RAB20: variants seen among roughly 807,000 people sequenced by gnomAD.
RAB20 encodes RAB20, member RAS oncogene family, also known as ras-related protein Rab-20.
In RAB20, 2 loss-of-function variants were observed where a neutral mutation model predicts 3.7. That is an observed-to-expected ratio of 0.54 (90% CI 0.22 to 1.69). The LOEUF (loss-of-function observed/expected upper bound fraction) is 1.69, where lower values mean the gene tolerates loss of function less well. RAB20 is among the 40% of genes most tolerant of loss of function. RAB20 has a pLI of 0.19. For synonymous variants in RAB20, 126 were observed against 130.8 expected, an observed-to-expected ratio of 0.96 and a Z score of 0.25; for missense variants, 276 against 311.9, an observed-to-expected ratio of 0.88 and a Z score of 0.87.
At chr13:110,526,994 T>A (rs764882762) in intron 1 of RAB20, among the ~76,000 whole-genome samples, 9 of 152,038 alleles carry the variant, frequency 5.9e-5, no homozygotes, top group Admixed American at 6.5e-5. Flanking sequence ...TTGACACAAA[T>A]GAAGTTAAGG....
chr13:110,552,689 T>C (rs1277687433), intron 1 of RAB20, among the ~76,000 whole-genome samples: 1 of 123,274 alleles, frequency 8.1e-6, no homozygotes, highest in Non-Finnish European at 1.6e-5. Flanking sequence ...TGAGACTCCA[T>C]CTCAAATAAA....
intron 1 of RAB20, among the ~76,000 whole-genome samples, chr13:110,533,661 C>T (rs1194976408): frequency 6.6e-6 from 1 of 152,122 alleles, no homozygotes; most frequent in Admixed American, 6.5e-5. Context: ...CACTCTAGCC[C>T]GGGCAGCAGA....
chr13:110,549,407 A>T (rs1442558100), intron 1 of RAB20, among the ~76,000 whole-genome samples: 1 of 152,224 alleles, frequency 6.6e-6, no homozygotes, highest in Non-Finnish European at 1.5e-5. Flanking sequence ...GAATCCAGGG[A>T]ACTCACCACT....
At chr13:110,557,146 G>A (rs1264297381) in intron 1 of RAB20, among the ~76,000 whole-genome samples, 1 of 152,158 alleles carries the variant, frequency 6.6e-6, no homozygotes, top group Non-Finnish European at 1.5e-5. Context: ...GGAAGCCTGG[G>A]GTCTGAATGA....
chr13:110,524,100 C>T lies in RAB20; in HGVS notation c.270G>A (p.Glu90=), dbSNP rs1173975776. 3 of 1,613,214 alleles carry T rather than the reference C, an allele frequency of 1.9e-6. No individual in the cohort carries two copies. Among genetic ancestry groups the T allele is most frequent in the East Asian group, 2.2e-5 (1 of 44,890 alleles). Residue 90 remains glutamate, a synonymous_variant, in exon 2 of 2, where the codon GAG becomes GAA. Transcript: ENST00000267328. ...TCAGGCCCAGGAACCGGTCCTCCAGCTCCACCAGGCTCTGCCGGTGATTCA... is the reference window on the plus strand; with the variant it reads ...TCAGGCCCAGGAACCGGTCCTCCAGTTCCACCAGGCTCTGCCGGTGATTCA... ...YDVNHRQSLV[E]LEDRFLGLTD...
In RAB20 at chr13:110,561,565, T is replaced by G; in HGVS notation, c.-46A>C. The G allele has an allele frequency of 6.6e-7, 1 of 1,503,912 alleles. No individual in the cohort carries two copies. The highest frequency in any genetic ancestry group is 8.9e-7 in the Non-Finnish European group (1 of 1,129,354). 93.2% of individuals were successfully genotyped at this position (1,503,912 alleles called of 1,614,324 possible). A position where few individuals can be genotyped will look rare whatever the true frequency, so the allele number is the denominator to read the frequency against. On this transcript the variant is annotated 5_prime_UTR_variant, in exon 1 of 2. Transcript: ENST00000267328. ...CGCCCCCGCGCCCTCTCCCCGAGGCTGGCCGGCTCGTGCGCCCTGGGCGCA... is the reference window on the plus strand; with the variant it reads ...CGCCCCCGCGCCCTCTCCCCGAGGCGGGCCGGCTCGTGCGCCCTGGGCGCA...
chr13:110,525,440 G>A (rs925973214), intron 1 of RAB20, among the ~76,000 whole-genome samples: 9 of 152,194 alleles, frequency 5.9e-5, no homozygotes, highest in African/African-American at 2.2e-4. Flanking sequence ...TCTGCCCCAG[G>A]ACCACCTTTC....
chr13:110,554,161 A>C (rs1594139448), intron 1 of RAB20, among the ~76,000 whole-genome samples: 1 of 152,310 alleles, frequency 6.6e-6, no homozygotes. Flanking sequence ...CCCTGGCTCC[A>C]CGTGTTTTGC....
intron 1 of RAB20, among the ~76,000 whole-genome samples, chr13:110,539,362 T>C (rs891437138): frequency 6.6e-6 from 1 of 152,166 alleles, no homozygotes. Flanking sequence ...TGGCAAATAC[T>C]GACCGACAGC....
intron 1 of RAB20, among the ~76,000 whole-genome samples, chr13:110,543,084 T>C (rs749478171): frequency 1.3e-5 from 2 of 152,226 alleles, no homozygotes; most frequent in African/African-American, 2.4e-5. Flanking sequence ...GCCATTTGTA[T>C]GTCTTCTTTT....
At chr13:110,549,461 A>G (rs1884910954) in intron 1 of RAB20, among the ~76,000 whole-genome samples, 1 of 145,074 alleles carries the variant, frequency 6.9e-6, no homozygotes, top group African/African-American at 2.9e-5. Context: ...TCTTACAGCC[A>G]TTGTTACAAT....
In RAB20 at chr13:110,523,820, C is replaced by A. The variant is rs1217105919; in HGVS notation, c.550G>T (p.Ala184Ser). ...AGGTCCACATTGTAGCCGGTCTTGG[C>A]GCTGGTCTCAAAGCACATTTGCTCA... ...AAEQMCFETS[A>S]KTGYNVDLLF... Residue 184 changes from alanine (A) to serine (S), a missense_variant, in exon 2 of 2, where the codon GCC (alanine) becomes TCC (serine). By Grantham distance (99) the Ala-to-Ser change is moderately conservative. Coordinates refer to ENST00000267328, the MANE Select transcript of RAB20 (RefSeq NM_017817.3). 1.9e-6 allele frequency: 3 copies of A among 1,614,078 alleles called. No individual in the cohort carries two copies. In the African/African-American group the frequency reaches 4.0e-5, roughly 22 times the overall value.
intron 1 of RAB20, among the ~76,000 whole-genome samples, chr13:110,552,490 G>A (rs57878500): frequency 0.45 from 68,812 of 151,592 alleles, 17,592 homozygotes; most frequent in South Asian, 0.59. Context: ...TCAGGAGATC[G>A]AGACCATCCT....
intron 1 of RAB20, among the ~76,000 whole-genome samples, chr13:110,547,190 T>C (rs1286354436): frequency 6.6e-6 from 1 of 152,210 alleles, no homozygotes; most frequent in Admixed American, 6.5e-5. Context: ...CTAACCAGAC[T>C]GTCCTGAACT....
intron 1 of RAB20, among the ~76,000 whole-genome samples, chr13:110,547,348 A>G (rs1361887654): frequency 6.6e-6 from 1 of 152,250 alleles, no homozygotes; most frequent in Non-Finnish European, 1.5e-5. Flanking sequence ...ACACGGGGAA[A>G]GCGTTAACAG....
At chr13:110,559,493 C>CT (rs1197994250) in intron 1 of RAB20, among the ~76,000 whole-genome samples, 1 of 152,144 alleles carries the variant, frequency 6.6e-6, no homozygotes, top group African/African-American at 2.4e-5. Context: ...CACAGGCCAC[C>CT]GAGGAGGCAG....
intron 1 of RAB20, among the ~76,000 whole-genome samples, chr13:110,537,593 C>G (rs1006267323): frequency 3.2e-4 from 48 of 151,790 alleles, no homozygotes; most frequent in African/African-American, 1.1e-3. Flanking sequence ...GGACCAACAC[C>G]ATCTCCTAGA....
At chr13:110,554,778 G>C (rs543643672) in intron 1 of RAB20, among the ~76,000 whole-genome samples, 1 of 152,320 alleles carries the variant, frequency 6.6e-6, no homozygotes, top group East Asian at 1.9e-4. Flanking sequence ...AGCCCAGCCT[G>C]GGTTCACAGC....
chr13:110,550,728 C>T (rs912385173), intron 1 of RAB20, among the ~76,000 whole-genome samples: 5 of 152,036 alleles, frequency 3.3e-5, no homozygotes, highest in Non-Finnish European at 5.9e-5. Context: ...CTTCCAGAGT[C>T]TTATGTTTGC....
Sources: allele counts gnomAD v4.1 joint callset (sites outside exome capture counted in the v4.1 genomes callset), GRCh38; gene constraint gnomAD v4.1.1; transcripts MANE v1.5; gene names NCBI Gene and HGNC (gene_info 2026-07-23, HGNC 2026-07-21).